The following RBPJL variants were observed in gnomAD, a reference collection of about 807,000 sequenced individuals.
RBPJL encodes recombination signal binding protein for immunoglobulin kappa J region like.
Under a neutral mutation model 57.6 loss-of-function variants are expected in RBPJL, and 50 were observed. That is an observed-to-expected ratio of 0.87 (90% confidence interval 0.69 to 1.10). The LOEUF (loss-of-function observed/expected upper bound fraction) is 1.10, where lower values mean the gene tolerates loss of function less well. Among genes scored for constraint, RBPJL ranks in the 50% least tolerant of loss-of-function variants. The pLI is 0.00. For missense variants in RBPJL, 684 were observed against 693.7 expected (o/e 0.99, Z 0.16); for synonymous variants, 303 against 294.4 (o/e 1.03, Z -0.30).
Position 45,306,912 on chromosome 20 carries a change from G to A in RBPJL, c.-11G>A. 3 of 1,256,014 alleles carry A rather than the reference G, an allele frequency of 2.4e-6. No individual in the cohort carries two copies. The South Asian group carries it at 1.1e-4, about 48-fold the overall frequency. The allele number at this position is 1,256,014 out of a possible 1,614,324, so 77.8% of individuals were successfully genotyped here. On this transcript the variant is annotated 5_prime_UTR_variant, in exon 1 of 12. It adds an upstream start codon to the 5' untranslated region. Coordinates refer to ENST00000343694, the MANE Select transcript of RBPJL (RefSeq NM_014276.4). ...GCGGCGGGTGAGCGGCTGGGGCCCC[G>A]TGGAGCCACCATGGACCCCGCAGGG...
intron 5 of RBPJL, 52 bp from the exon 6 acceptor site, chr20:45,312,169 T>C: frequency 6.2e-7 from 1 of 1,612,450 alleles, no homozygotes; most frequent in Non-Finnish European, 8.5e-7. Context: ...GGTTGGTTCA[T>C]CCGACGGGGG....
At chr20:45,311,166 T>A (rs1361367512) in intron 3 of RBPJL, among the ~76,000 whole-genome samples, 122 of 118,518 alleles carry the variant, frequency 1.0e-3, no homozygotes, top group Middle Eastern at 4.3e-3. Flanking sequence ...AAGGAAGGAA[T>A]GAAAGAAAAA....
intron 9 of RBPJL, 149 bp from the exon 10 acceptor site, chr20:45,316,038 A>G (rs1987448201): frequency 1.6e-6 from 1 of 611,862 alleles, no homozygotes; most frequent in African/African-American, 1.8e-5. Context: ...ACTTAAGGGC[A>G]CTGTCCAAGC....
rs2064659774 is a variant in RBPJL, at chr20:45,316,985, A to G, written c.*26A>G. The G allele has an allele frequency of 1.3e-6, 2 of 1,598,498 alleles. No individual in the cohort carries two copies. The highest frequency in any genetic ancestry group is 2.2e-5 in the East Asian group (1 of 44,550). ...GCGCGCCCGGTAGCCCCGGCTGCCC[A>G]CCCTGGAGGGCTGCGCCCGCGCCAG... On this transcript the variant is annotated 3_prime_UTR_variant, in exon 12 of 12. Transcript: ENST00000343694.
chr20:45,317,534 C>G lies in RBPJL; in HGVS notation c.*575C>G, dbSNP rs1260527977. 1.3e-5 allele frequency: 2 copies of G among 152,830 alleles called. No individual in the cohort carries two copies. Among genetic ancestry groups the G allele is most frequent in the Non-Finnish European group, 2.9e-5 (2 of 68,588 alleles). 9.5% of individuals were successfully genotyped at this position (152,830 alleles called of 1,614,324 possible). On this transcript the variant is annotated 3_prime_UTR_variant, in exon 12 of 12. Coordinates refer to ENST00000343694, the MANE Select transcript of RBPJL (RefSeq NM_014276.4). ...AGCACCGGGTCTCTCTAAGTCTCAC[C>G]TGGGGAATTCGGTCCCACCTGGGGC...
intron 2 of RBPJL, among the ~76,000 whole-genome samples, chr20:45,309,136 C>A (rs536175165): frequency 1.9e-4 from 29 of 152,110 alleles, no homozygotes; most frequent in African/African-American, 5.8e-4. Context: ...CCTCACCCCC[C>A]ACCCTGCCTT....
Position 45,314,542 on chromosome 20 carries a change from A to G in RBPJL, c.997A>G (p.Thr333Ala). ...GGGTGGCACCTACTTATGCCTTGCC[A>G]CAGAGAAGGTGGTGCAATTTCAGGT... ...GGGGTYLCLA[T>A]EKVVQFQASP... The change falls in exon 9 of 12, where the codon ACA (threonine) becomes GCA (alanine). Residue 333 changes from threonine (T) to alanine (A), a missense_variant. Coordinates refer to ENST00000343694, the MANE Select transcript of RBPJL (RefSeq NM_014276.4). The G allele has an allele frequency of 6.2e-7, 1 of 1,613,886 alleles. No homozygotes were observed. The highest frequency in any genetic ancestry group is 8.5e-7 in the Non-Finnish European group (1 of 1,179,812).
chr20:45,314,648 C>G, intron 9 of RBPJL, 83 bp downstream of exon 9: 1 of 1,376,888 alleles, frequency 7.3e-7, no homozygotes. Context: ...ATCACCCTCA[C>G]CATGGTTGCT....
chr20:45,311,570 C>A lies in RBPJL; in HGVS notation c.258-19C>A. The A allele has an allele frequency of 6.2e-7, 1 of 1,613,466 alleles. No homozygotes were observed. ...AGTGGAGATGGATGCACGACTCCAA[C>A]ACTCACTTATCTCCGCAGGTTCTTC... On this transcript the variant is annotated intron_variant, in intron 3 of 11. Coordinates refer to ENST00000343694, the MANE Select transcript of RBPJL (RefSeq NM_014276.4).
intron 11 of RBPJL, 27 bp from the exon 12 acceptor site, chr20:45,316,659 G>A (rs1274435260): frequency 6.4e-7 from 1 of 1,557,050 alleles, no homozygotes; most frequent in Non-Finnish European, 8.7e-7. Context: ...AGTCGCCGCA[G>A]CCCTCACCCT....
intron 7 of RBPJL, 96 bp from the exon 8 acceptor site, chr20:45,313,939 G>A (rs61699657): frequency 2.3e-6 from 2 of 882,070 alleles, no homozygotes; most frequent in Admixed American, 3.7e-5. Flanking sequence ...GGGCCCATGT[G>A]TGATGTGAGG....
intron 1 of RBPJL, 80 bp downstream of exon 1, chr20:45,307,024 T>G: frequency 1.4e-6 from 1 of 732,230 alleles, no homozygotes; most frequent in Admixed American, 9.7e-5. Context: ...CTCCCCACTA[T>G]ACAAATAGGA....
At position 45,309,625 on chromosome 20, in the gene RBPJL, C is replaced by T; in HGVS notation, c.190C>T (p.Gln64Ter). Residue 64 changes from glutamine (Q) to a stop codon, truncating the protein, a stop_gained, in exon 3 of 12, where the codon CAG (glutamine) becomes TAG (stop). Coordinates refer to ENST00000343694, the MANE Select transcript of RBPJL (RefSeq NM_014276.4). LOFTEE classifies it high-confidence loss of function. ...RGGVRRCLQQ[Q>*]CEQTVRILHA... ...AGGCGTGCGCAGGTGCCTGCAGCAA[C>T]AGTGTGAACAGACTGTGCGGATCCT... 1.9e-6 allele frequency: 3 copies of T among 1,613,392 alleles called. No homozygotes were observed. The highest frequency in any genetic ancestry group is 2.5e-6 in the Non-Finnish European group (3 of 1,179,680).
rs1278606855 is a variant in RBPJL, at chr20:45,316,197, G to A, written c.1031G>A (p.Cys344Tyr). ...EKVVQFQASP[C>Y]PKEANRALLN... ...TGGGTCTCCTCCCAGGCCTCTCCCTGCCCCAAGGAGGCGAACAGGGCTCTG... is the reference window on the plus strand; with the variant it reads ...TGGGTCTCCTCCCAGGCCTCTCCCTACCCCAAGGAGGCGAACAGGGCTCTG... Residue 344 changes from cysteine to tyrosine, a missense_variant, in exon 10 of 12, where the codon TGC becomes TAC. Physicochemically the swap from Cys to Tyr is radical, Grantham distance 194. Coordinates refer to ENST00000343694, the MANE Select transcript of RBPJL (RefSeq NM_014276.4). 1 of 1,613,754 alleles carries A rather than the reference G, an allele frequency of 6.2e-7. No individual in the cohort carries two copies. Among genetic ancestry groups the A allele is most frequent in the Non-Finnish European group, 8.5e-7 (1 of 1,179,762 alleles).
At position 45,314,578 on chromosome 20, in the gene RBPJL, G is replaced by A; in HGVS notation, c.1020+13G>A. ...GGTGCAATTTCAGGTAAGAAGCAGA[G>A]AATACCAGCACCAAGTGTCCTGGAA... is the stretch of plus-strand genomic sequence containing the variant. On this transcript the variant is annotated intron_variant, in intron 9 of 11. Transcript: ENST00000343694. 1 of 1,609,832 alleles carries A rather than the reference G, an allele frequency of 6.2e-7. No individual in the cohort carries two copies. Among genetic ancestry groups the A allele is most frequent in the Middle Eastern group, 1.7e-4 (1 of 6,052 alleles).
At position 45,306,911 on chromosome 20, in the gene RBPJL, C is replaced by T. The variant is rs1353846446; in HGVS notation, c.-12C>T. 1.6e-6 allele frequency: 2 copies of T among 1,255,946 alleles called. No homozygotes were observed. Among genetic ancestry groups the T allele is most frequent in the East Asian group, 3.1e-5 (1 of 32,184 alleles). 77.8% of individuals were successfully genotyped at this position (1,255,946 alleles called of 1,614,324 possible). On this transcript the variant is annotated 5_prime_UTR_variant, in exon 1 of 12. Transcript: ENST00000343694. Reference sequence around the variant, plus strand: ...GGCGGCGGGTGAGCGGCTGGGGCCCCGTGGAGCCACCATGGACCCCGCAGG... The same window carrying T: ...GGCGGCGGGTGAGCGGCTGGGGCCCTGTGGAGCCACCATGGACCCCGCAGG...
chr20:45,311,772 G>C, intron 4 of RBPJL, 67 bp from the exon 5 acceptor site: 1 of 1,538,314 alleles, frequency 6.5e-7, no homozygotes, highest in Non-Finnish European at 8.9e-7. Context: ...CTGGCGGCGA[G>C]CGCTAAGCTT....
At chr20:45,312,827 C>CAAA (rs749039599) in intron 6 of RBPJL, among the ~76,000 whole-genome samples, 3 of 84,816 alleles carry the variant, frequency 3.5e-5, no homozygotes, top group African/African-American at 1.2e-4. Flanking sequence ...TTGTCTGTAC[C>CAAA]AAAAAAAAAA....
chr20:45,313,601 C>T lies in RBPJL; in HGVS notation c.753C>T (p.His251=). The change falls in exon 7 of 12, where the codon CAC becomes CAT. Residue 251 remains histidine (H), a synonymous_variant. Coordinates refer to ENST00000343694, the MANE Select transcript of RBPJL (RefSeq NM_014276.4). ...GACAGTGGGCTGCCTTCACGCTCCA[C>T]CTGGGTAATGACATCTGCAGGCCCT... ...SARQWAAFTL[H]LADGHSAQGD... is the part of the protein sequence containing the mutation. 1.2e-6 allele frequency: 2 copies of T among 1,607,224 alleles called. No homozygotes were observed. Among genetic ancestry groups the T allele is most frequent in the South Asian group, 2.2e-5 (2 of 90,158 alleles).
Sources: gnomAD v4.1 joint callset for allele counts (sites outside exome capture counted in the v4.1 genomes callset) on GRCh38, gnomAD v4.1.1 for gene constraint, MANE v1.5 for transcripts, NCBI Gene and HGNC (gene_info 2026-07-23, HGNC 2026-07-21) for gene names.